PIBF1: variants seen among roughly 807,000 people sequenced by gnomAD.
PIBF1 encodes progesterone immunomodulatory binding factor 1, also known as progesterone-induced-blocking factor 1.
PIBF1 carries 90 observed loss-of-function variants against 112.5 expected under a neutral mutation model. The ratio of observed to expected loss-of-function variants is 0.80; its 90% CI spans 0.67 to 0.95. The LOEUF (loss-of-function observed/expected upper bound fraction) is 0.95. Ranked by LOEUF, PIBF1 falls within the 40% of genes least tolerant of loss-of-function variation. The pLI, the probability that PIBF1 is intolerant of heterozygous loss-of-function variation, is 0.00. For missense variants in PIBF1, 915 were observed against 852.3 expected (o/e 1.07, Z -0.92); for synonymous variants, 301 against 288.6 (o/e 1.04, Z -0.44).
chr13:72,888,077 A>T (rs1407439280), intron 10 of PIBF1, among the ~76,000 whole-genome samples: 1 of 152,108 alleles, frequency 6.6e-6, no homozygotes, highest in Non-Finnish European at 1.5e-5. Context: ...TTGTTTTTGG[A>T]AATTCAACCA....
intron 14 of PIBF1, among the ~76,000 whole-genome samples, chr13:72,945,331 G>A (rs1224147179): frequency 6.6e-6 from 1 of 152,054 alleles, no homozygotes; most frequent in Non-Finnish European, 1.5e-5. Flanking sequence ...CTTCATTATT[G>A]TAAATGGTGC....
intron 11 of PIBF1, among the ~76,000 whole-genome samples, chr13:72,898,829 CAA>C (rs1487101751): frequency 7.9e-5 from 11 of 138,874 alleles, no homozygotes; most frequent in African/African-American, 2.9e-4. Context: ...GCCTGAGCAA[CAA>C]GAGCGAAACT....
At chr13:72,814,847 A>G (rs999955501) in intron 5 of PIBF1, among the ~76,000 whole-genome samples, 10 of 152,222 alleles carry the variant, frequency 6.6e-5, no homozygotes, top group African/African-American at 2.4e-4. Flanking sequence ...AAGGGAAAAT[A>G]CATACAGTTC....
At chr13:72,839,432 AGTGTCT>A (rs2037505806) in intron 9 of PIBF1, among the ~76,000 whole-genome samples, 1 of 152,212 alleles carries the variant, frequency 6.6e-6, no homozygotes, top group Admixed American at 6.5e-5. Context: ...TTTCACTTGA[AGTGTCT>A]GTGGCATCTA....
At chr13:72,787,439 G>A (rs1432390845) in intron 2 of PIBF1, among the ~76,000 whole-genome samples, 1 of 152,130 alleles carries the variant, frequency 6.6e-6, no homozygotes, top group East Asian at 1.9e-4. Flanking sequence ...GACTCCTGGT[G>A]TTAGAGCTGT....
intron 9 of PIBF1, among the ~76,000 whole-genome samples, chr13:72,846,787 T>C (rs1213666547): frequency 6.6e-6 from 1 of 152,238 alleles, no homozygotes; most frequent in Non-Finnish European, 1.5e-5. Flanking sequence ...ATACTACATA[T>C]TTATTTACTT....
At chr13:72,944,786 A>T (rs1164052536) in intron 14 of PIBF1, among the ~76,000 whole-genome samples, 1 of 152,036 alleles carries the variant, frequency 6.6e-6, no homozygotes, top group East Asian at 1.9e-4. Context: ...GGTTTTTTTG[A>T]GATGGAGTCT....
At chr13:72,991,577 G>A (rs766890133) in intron 16 of PIBF1, among the ~76,000 whole-genome samples, 11 of 152,022 alleles carry the variant, frequency 7.2e-5, no homozygotes, top group East Asian at 3.9e-4. Context: ...ATCAGACTAC[G>A]TTATAGAATA....
At chr13:72,839,841 A>G (rs1487684595) in intron 9 of PIBF1, among the ~76,000 whole-genome samples, 1 of 152,064 alleles carries the variant, frequency 6.6e-6, no homozygotes, top group East Asian at 1.9e-4. Flanking sequence ...CCGTTTCTGG[A>G]AGTAGGAAAA....
At chr13:72,888,153 G>A (rs2039928012) in intron 10 of PIBF1, among the ~76,000 whole-genome samples, 1 of 152,138 alleles carries the variant, frequency 6.6e-6, no homozygotes, top group Non-Finnish European at 1.5e-5. Flanking sequence ...TGTGAACAAT[G>A]GGTGAGAAAT....
Position 72,963,937 on chromosome 13 carries a change from A to G in PIBF1, c.1834-1337A>G, listed in dbSNP as rs12430320. ...ACCGTTGCAGTTCCTCAAAAAGTTA[A>G]ATATAGAATTACCATATGACCTAAC... On this transcript the variant is annotated intron_variant, in intron 14 of 17. Coordinates refer to ENST00000326291, the MANE Select transcript of PIBF1 (RefSeq NM_006346.4). 4.6e-3 allele frequency among the ~76,000 whole-genome samples: 693 copies of G among 152,280 alleles called. 4 individuals are homozygous for G. The highest frequency in any genetic ancestry group is 8.9e-3 in the South Asian group (43 of 4,826).
At chr13:72,980,443 G>A (rs2043129026) in intron 16 of PIBF1, among the ~76,000 whole-genome samples, 1 of 152,184 alleles carries the variant, frequency 6.6e-6, no homozygotes, top group African/African-American at 2.4e-5. Context: ...ACGCAGTGAC[G>A]TGCTCTCAAG....
chr13:72,950,027 G>A (rs1441454424), intron 14 of PIBF1, among the ~76,000 whole-genome samples: 1 of 152,168 alleles, frequency 6.6e-6, no homozygotes, highest in Non-Finnish European at 1.5e-5. Flanking sequence ...ATGTGTAGGA[G>A]CAAGCTAATC....
intron 9 of PIBF1, among the ~76,000 whole-genome samples, chr13:72,837,378 A>G (rs1190716827): frequency 6.6e-6 from 1 of 152,134 alleles, no homozygotes; most frequent in Non-Finnish European, 1.5e-5. Context: ...TAGCCTTCAT[A>G]TGTTGAATCC....
chr13:72,821,342 T>C (rs1566313135), intron 5 of PIBF1, among the ~76,000 whole-genome samples: 2 of 152,194 alleles, frequency 1.3e-5, no homozygotes, highest in Non-Finnish European at 2.9e-5. Context: ...AATGTAAAGA[T>C]GTGTTTCGAG....
chr13:73,008,166 A>G (rs1342661777), intron 17 of PIBF1, among the ~76,000 whole-genome samples: 2 of 152,208 alleles, frequency 1.3e-5, no homozygotes, highest in African/African-American at 4.8e-5. Flanking sequence ...TTCAGAGAAT[A>G]ATATAACCGA....
intron 10 of PIBF1, among the ~76,000 whole-genome samples, chr13:72,883,102 T>A (rs1296427003): frequency 6.6e-6 from 1 of 152,170 alleles, no homozygotes; most frequent in Non-Finnish European, 1.5e-5. Flanking sequence ...CATCAACAGA[T>A]ACCGGATAAA....
chr13:72,865,504 TCTA>T (rs1455311283), intron 10 of PIBF1, among the ~76,000 whole-genome samples: 2 of 152,208 alleles, frequency 1.3e-5, no homozygotes, highest in Non-Finnish European at 2.9e-5. Context: ...GGCCAATCTA[TCTA>T]CTGTTATCTT....
At chr13:72,995,256 A>T (rs2139015569) in intron 16 of PIBF1, among the ~76,000 whole-genome samples, 1 of 150,054 alleles carries the variant, frequency 6.7e-6, no homozygotes, top group South Asian at 2.1e-4. Context: ...AGCCGAGATC[A>T]CACCACTGCA....
Sources: gnomAD v4.1 joint callset for allele counts (sites outside exome capture counted in the v4.1 genomes callset) on GRCh38, gnomAD v4.1.1 for gene constraint, MANE v1.5 for transcripts, NCBI Gene and HGNC (gene_info 2026-07-23, HGNC 2026-07-21) for gene names.